Variants in PDE1C observed in about 807,000 individuals in gnomAD.
PDE1C encodes the protein dual specificity calcium/calmodulin-dependent 3',5'-cyclic nucleotide phosphodiesterase 1C.
In PDE1C, 62 loss-of-function variants were observed where a neutral mutation model predicts 93.1. The observed-to-expected ratio is 0.67, with a 90% CI of 0.54 to 0.82. PDE1C has a LOEUF of 0.82. Ranked by LOEUF, PDE1C falls within the 40% of genes least tolerant of loss-of-function variation. PDE1C has a pLI of 0.00. For synonymous variants in PDE1C, 325 were observed against 310.1 expected (o/e 1.05, Z -0.50); for missense variants, 742 against 884.6 (o/e 0.84, Z 2.04).
chr7:32,418,230 ATTAT>A (rs1457639196), intron 1 of PDE1C, among the ~76,000 whole-genome samples: 1 of 150,614 alleles, frequency 6.6e-6, no homozygotes, highest in African/African-American at 2.5e-5. Flanking sequence ...AAGTTGGCCA[ATTAT>A]TTTTTTATCA....
the PDE1C span, among the ~76,000 whole-genome samples, chr7:31,635,205 G>C: frequency 6.6e-6 from 1 of 152,110 alleles, no homozygotes; most frequent in Non-Finnish European, 1.5e-5. Flanking sequence ...TAATTTCTAT[G>C]ACTCTAAGGG....
intron 1 of PDE1C, among the ~76,000 whole-genome samples, chr7:32,365,866 A>G (rs1784221074): frequency 6.6e-6 from 1 of 152,208 alleles, no homozygotes; most frequent in African/African-American, 2.4e-5. Flanking sequence ...GACTGTGTCC[A>G]CCCAGAACAA....
chr7:32,407,384 C>A (rs1785077072), intron 1 of PDE1C, among the ~76,000 whole-genome samples: 1 of 152,168 alleles, frequency 6.6e-6, no homozygotes, highest in Non-Finnish European at 1.5e-5. Flanking sequence ...AGCCTCCAAT[C>A]AAAACACTGC....
intron 2 of PDE1C, among the ~76,000 whole-genome samples, chr7:31,885,320 A>G (rs1176413192): frequency 1.3e-5 from 2 of 152,240 alleles, no homozygotes; most frequent in Non-Finnish European, 2.9e-5. Context: ...CAGCTGCCAG[A>G]TAATAGTTCC....
At chr7:32,277,665 G>C (rs920211776) in intron 1 of PDE1C, among the ~76,000 whole-genome samples, 1 of 152,154 alleles carries the variant, frequency 6.6e-6, no homozygotes, top group Non-Finnish European at 1.5e-5. Context: ...CAGACAAAAG[G>C]AAGAAAGAGA....
the PDE1C span, among the ~76,000 whole-genome samples, chr7:31,633,038 C>A: frequency 6.6e-6 from 1 of 152,140 alleles, no homozygotes; most frequent in Non-Finnish European, 1.5e-5. Context: ...AGGTGGGCAC[C>A]ATCATGCCCA....
chr7:32,350,462 T>C (rs1783940745), intron 1 of PDE1C, among the ~76,000 whole-genome samples: 1 of 151,958 alleles, frequency 6.6e-6, no homozygotes, highest in South Asian at 2.1e-4. Context: ...TCTAATCATC[T>C]CCCAAATGTC....
At position 31,862,492 on chromosome 7, in the gene PDE1C, C is replaced by T. The variant is rs146306663; in HGVS notation, c.750+2450G>A. On this transcript the variant is annotated intron_variant, in intron 7 of 17. Coordinates refer to ENST00000396191, the MANE Select transcript of PDE1C (RefSeq NM_001191057.4). ...ATAAACAACAGAAATTTATTTCTCA[C>T]AGTTCTGGAGGCTAGGAAGCTTAAG... Among the ~76,000 whole-genome samples the T allele has an allele frequency of 5.1e-3, 771 of 152,022 alleles. 5 individuals are homozygous for T. The highest frequency in any genetic ancestry group is 0.018 in the African/African-American group (744 of 41,298).
rs1584963647 is a variant in PDE1C at position 32,209,323 on chromosome 7, A to C, written c.136+166T>G. Among the ~76,000 whole-genome samples the C allele has an allele frequency of 2.0e-5, 3 of 152,204 alleles. No homozygotes were observed. In the South Asian group the frequency reaches 6.2e-4, roughly 32 times the overall value. On this transcript the variant is annotated intron_variant, in intron 2 of 18. Coordinates refer to the PDE1C transcript ENST00000396193. ...GATTGAAAAGGCAGTAGCAATGAGT[A>C]GCTCACCAGCCTGGGCTCAAGTGGG...
At chr7:31,618,685 A>G in the PDE1C span, among the ~76,000 whole-genome samples, 1 of 152,148 alleles carries the variant, frequency 6.6e-6, no homozygotes, top group Non-Finnish European at 1.5e-5. Flanking sequence ...GGGCTTACCA[A>G]TAATTATTTT....
chr7:32,416,269 C>T (rs1316444819), intron 1 of PDE1C, among the ~76,000 whole-genome samples: 3 of 152,206 alleles, frequency 2.0e-5, no homozygotes, highest in Non-Finnish European at 4.4e-5. Context: ...CACAGAGACT[C>T]CGTGGGTGCT....
rs149233175 is a variant in PDE1C at position 31,866,662 on chromosome 7, G to C, written c.610-1580C>G. On this transcript the variant is annotated intron_variant, in intron 6 of 17. Coordinates refer to ENST00000396191, the MANE Select transcript of PDE1C (RefSeq NM_001191057.4). ...CCACAAAAAAGAACCAAAATAGCAA[G>C]TAGATAATCACATTTCAAATAGATT... Among the ~76,000 whole-genome samples the C allele has an allele frequency of 1.3e-3, 198 of 152,226 alleles. 5 individuals carry two copies. Among genetic ancestry groups the C allele is most frequent in the African/African-American group, 4.6e-3 (190 of 41,536 alleles).
chr7:31,955,180 T>C (rs748454885), intron 2 of PDE1C, among the ~76,000 whole-genome samples: 2 of 152,196 alleles, frequency 1.3e-5, no homozygotes, highest in Non-Finnish European at 2.9e-5. Context: ...TGTGATCGGA[T>C]GTAGGGCTGT....
the PDE1C span, among the ~76,000 whole-genome samples, chr7:31,742,308 A>G: frequency 1.3e-5 from 2 of 152,236 alleles, no homozygotes; most frequent in African/African-American, 2.4e-5. Context: ...ACTTTCCTAA[A>G]GCCATTTGCT....
the PDE1C span, chr7:31,643,977 T>C: frequency 1.3e-6 from 2 of 1,574,944 alleles, no homozygotes; most frequent in Non-Finnish European, 1.7e-6. Flanking sequence ...CTGGCAAAGA[T>C]GGAAAGGCAG....
At chr7:32,207,431 T>G (rs4723133) in intron 2 of PDE1C, among the ~76,000 whole-genome samples, 5 of 151,732 alleles carry the variant, frequency 3.3e-5, no homozygotes, top group Non-Finnish European at 5.9e-5. Flanking sequence ...CACCACACAA[T>G]GAAGGTCAGT....
At chr7:31,749,054 T>A (rs1025943195), downstream of PDE1C, among the ~76,000 whole-genome samples, 1 of 152,108 alleles carries the variant, frequency 6.6e-6, no homozygotes, top group African/African-American at 2.4e-5. Context: ...TCTCCTTCTA[T>A]CCTGCAGGGA....
At chr7:31,863,804 TGAG>T (rs1236175742) in intron 7 of PDE1C, among the ~76,000 whole-genome samples, 1 of 152,130 alleles carries the variant, frequency 6.6e-6, no homozygotes, top group Non-Finnish European at 1.5e-5. Context: ...TTTAAAAAAA[TGAG>T]GAAGTTTTCG....
At chr7:32,313,713 T>G (rs1783106882) in intron 1 of PDE1C, among the ~76,000 whole-genome samples, 1 of 130,186 alleles carries the variant, frequency 7.7e-6, no homozygotes, top group South Asian at 2.5e-4. Flanking sequence ...TGAGAACACA[T>G]GGACACAGGA....
Sources: gnomAD v4.1 joint callset for allele counts (sites outside exome capture counted in the v4.1 genomes callset) on GRCh38, gnomAD v4.1.1 for gene constraint, MANE v1.5 for transcripts, NCBI Gene and HGNC (gene_info 2026-07-23, HGNC 2026-07-21) for gene names.